The following MAGI2 variants were observed in gnomAD, a reference collection of about 807,000 sequenced individuals.
The protein encoded by MAGI2 is membrane-associated guanylate kinase, WW and PDZ domain-containing protein 2.
A neutral mutation model predicts 133.3 loss-of-function variants in MAGI2; 35 were observed. The ratio of observed to expected loss-of-function variants is 0.26; its 90% CI spans 0.20 to 0.35. The LOEUF is 0.35. Ranked by LOEUF, MAGI2 falls within the 10% of genes least tolerant of loss-of-function variation. MAGI2 has a pLI of 1.00. For synonymous variants in MAGI2, 729 were observed against 710.6 expected (o/e 1.03, Z -0.41); for missense variants, 1,636 against 1,863.4 (o/e 0.88, Z 2.25).
At position 79,194,441 on chromosome 7, in the gene MAGI2, T is replaced by C. The variant is rs112053369; in HGVS notation, c.302-187235A>G. Among the ~76,000 whole-genome samples the C allele has an allele frequency of 8.2e-3, 1,245 of 152,070 alleles. 9 individuals carry two copies. The highest frequency in any genetic ancestry group is 0.024 in the Middle Eastern group (7 of 294). On this transcript the variant is annotated intron_variant, in intron 1 of 21. Transcript: ENST00000354212. ...AACTGTTTTAGAACAGAGATGGCCA[T>C]GCATTTTCATGTATACACAGGGTGT...
At chr7:78,880,901 G>C in intron 2 of MAGI2, among the ~76,000 whole-genome samples, 1 of 151,960 alleles carries the variant, frequency 6.6e-6, no homozygotes, top group South Asian at 2.1e-4. Flanking sequence ...AAACAGAAAA[G>C]ATAAAAAGAG....
chr7:78,322,948 C>T (rs1788163701), intron 9 of MAGI2, among the ~76,000 whole-genome samples: 1 of 151,174 alleles, frequency 6.6e-6, no homozygotes. Context: ...GCCTTGTTAT[C>T]TTATAACTGA....
At chr7:78,185,524 C>T in intron 13 of MAGI2, 105 bp downstream of exon 13, 1 of 852,182 alleles carries the variant, frequency 1.2e-6, no homozygotes, top group Non-Finnish European at 1.8e-6. Flanking sequence ...ACTAAAGTAG[C>T]ACAGCGATTA....
At chr7:78,831,563 G>A (rs891434897) in intron 2 of MAGI2, among the ~76,000 whole-genome samples, 2 of 152,036 alleles carry the variant, frequency 1.3e-5, no homozygotes, top group African/African-American at 2.4e-5. Flanking sequence ...ATTTTAAAAT[G>A]TTTATTAGAG....
intron 3 of MAGI2, among the ~76,000 whole-genome samples, chr7:78,579,676 T>G (rs1033282194): frequency 5.9e-5 from 9 of 152,176 alleles, no homozygotes; most frequent in African/African-American, 2.2e-4. Flanking sequence ...CTTTAAAAAT[T>G]TACTATTCTA....
At chr7:78,238,551 A>T (rs955406248) in intron 10 of MAGI2, among the ~76,000 whole-genome samples, 1 of 151,500 alleles carries the variant, frequency 6.6e-6, no homozygotes, top group African/African-American at 2.4e-5. Flanking sequence ...AAAATCTTTG[A>T]TTTTTCTCTT....
intron 3 of MAGI2, among the ~76,000 whole-genome samples, chr7:78,529,232 C>T (rs1388009334): frequency 6.6e-6 from 1 of 152,144 alleles, no homozygotes; most frequent in Non-Finnish European, 1.5e-5. Flanking sequence ...TTCATTTATT[C>T]ACGTCAGCTA....
Position 79,186,641 on chromosome 7 carries a change from T to C in MAGI2, c.302-179435A>G, listed in dbSNP as rs78707500. Among the ~76,000 whole-genome samples, 431 of 130,208 alleles carry C rather than the reference T, an allele frequency of 3.3e-3. 21 individuals are homozygous for C. In the East Asian group the frequency reaches 0.083, roughly 25 times the overall value. The allele number at this position is 130,208 out of a possible 152,430, so 85.4% of individuals were successfully genotyped here. On this transcript the variant is annotated intron_variant, in intron 1 of 21. Transcript: ENST00000354212. ...CTAAATGTATATACTTTCGTATAAG[T>C]GCATATATATAATATAAACAAAGGA... is the stretch of plus-strand genomic sequence containing the variant.
intron 1 of MAGI2, among the ~76,000 whole-genome samples, chr7:79,021,966 T>C (rs1247097265): frequency 1.3e-5 from 2 of 152,004 alleles, no homozygotes; most frequent in African/African-American, 4.8e-5. Context: ...AGTGAGCGAG[T>C]TCTCTCAAGA....
chr7:78,609,403 CAA>C (rs1235084339), intron 3 of MAGI2, among the ~76,000 whole-genome samples: 3 of 152,122 alleles, frequency 2.0e-5, no homozygotes, highest in Non-Finnish European at 4.4e-5. Flanking sequence ...ATCCCCAACC[CAA>C]ATACTATTAC....
intron 1 of MAGI2, among the ~76,000 whole-genome samples, chr7:79,437,169 A>T (rs1036110088): frequency 1.3e-5 from 2 of 152,126 alleles, no homozygotes; most frequent in African/African-American, 2.4e-5. Flanking sequence ...TAAACATGGA[A>T]ACAATAGACA....
At chr7:78,485,208 G>A (rs1792859316) in intron 6 of MAGI2, 1 of 151,892 alleles carries the variant, frequency 6.6e-6, no homozygotes, top group Non-Finnish European at 1.5e-5. Flanking sequence ...GTTAACTGCT[G>A]TTTCTGTGGC....
At chr7:78,969,324 T>C (rs1037014036) in intron 2 of MAGI2, among the ~76,000 whole-genome samples, 3 of 152,168 alleles carry the variant, frequency 2.0e-5, no homozygotes, top group Admixed American at 6.5e-5. Context: ...ACTAAATCGA[T>C]AGCGTTCCGC....
intron 4 of MAGI2, chr7:78,518,131 G>A (rs1456741187): frequency 6.6e-6 from 1 of 152,032 alleles, no homozygotes; most frequent in African/African-American, 2.4e-5. Flanking sequence ...TACATGCACA[G>A]AATTTTAAAA....
chr7:78,851,478 C>G (rs1465502181), intron 2 of MAGI2, among the ~76,000 whole-genome samples: 1 of 152,086 alleles, frequency 6.6e-6, no homozygotes, highest in Non-Finnish European at 1.5e-5. Context: ...GAAGTTACCA[C>G]TCAATTTAAA....
At chr7:78,731,724 A>C (rs1186206803) in intron 2 of MAGI2, among the ~76,000 whole-genome samples, 2 of 152,110 alleles carry the variant, frequency 1.3e-5, no homozygotes, top group Non-Finnish European at 2.9e-5. Flanking sequence ...CTGCTCATGA[A>C]ATGAGTGGGG....
At chr7:78,613,313 T>C (rs1339868501) in intron 3 of MAGI2, among the ~76,000 whole-genome samples, 1 of 152,224 alleles carries the variant, frequency 6.6e-6, no homozygotes, top group African/African-American at 2.4e-5. Context: ...ATTTCCTCTG[T>C]AGTTGACAAT....
intron 1 of MAGI2, among the ~76,000 whole-genome samples, chr7:79,100,778 T>A (rs1817908972): frequency 2.6e-5 from 4 of 152,000 alleles, no homozygotes. Flanking sequence ...TAGTCATAGG[T>A]ATTTTTTCTA....
At chr7:79,343,785 A>G (rs1471852892) in intron 1 of MAGI2, among the ~76,000 whole-genome samples, 2 of 152,154 alleles carry the variant, frequency 1.3e-5, no homozygotes, top group Admixed American at 6.5e-5. Context: ...ACTATTTACA[A>G]TGTAGCTAAA....
Sources: gnomAD v4.1 joint callset for allele counts (sites outside exome capture counted in the v4.1 genomes callset) on GRCh38, gnomAD v4.1.1 for gene constraint, MANE v1.5 for transcripts, NCBI Gene and HGNC (gene_info 2026-07-23, HGNC 2026-07-21) for gene names.